The following MAGI2 variants were observed in gnomAD, a reference collection of about 807,000 sequenced individuals.
MAGI2 encodes membrane-associated guanylate kinase, WW and PDZ domain-containing protein 2.
In MAGI2, 35 loss-of-function variants were observed where a neutral mutation model predicts 133.3. The observed-to-expected ratio is 0.26, with a 90% CI of 0.20 to 0.35. The LOEUF is 0.35. Ranked by LOEUF, MAGI2 falls within the 10% of genes least tolerant of loss-of-function variation. The probability of loss-of-function intolerance (pLI) is 1.00; values close to 1 mark genes in which losing one functional copy is unlikely to be tolerated. For synonymous variants in MAGI2, 729 were observed against 710.6 expected, an observed-to-expected ratio of 1.03 and a Z score of -0.41; for missense variants, 1,636 against 1,863.4, an observed-to-expected ratio of 0.88 and a Z score of 2.25.
At chr7:79,407,120 T>C (rs1270526662) in intron 1 of MAGI2, among the ~76,000 whole-genome samples, 2 of 152,158 alleles carry the variant, frequency 1.3e-5, no homozygotes, top group Non-Finnish European at 2.9e-5. Flanking sequence ...TTTCTATGCG[T>C]TTTGTAAAAT....
chr7:78,604,255 A>G (rs1365132088), intron 3 of MAGI2, among the ~76,000 whole-genome samples: 2 of 152,210 alleles, frequency 1.3e-5, no homozygotes, highest in African/African-American at 2.4e-5. Flanking sequence ...GATGGCCCTG[A>G]GATGGAAGAA....
In MAGI2 at chr7:78,224,853, C is replaced by A. The variant is rs561025402; in HGVS notation, c.2048-23660G>T. Among the ~76,000 whole-genome samples the A allele has an allele frequency of 7.9e-5, 12 of 152,196 alleles. No individual in the cohort carries two copies. The South Asian group carries it at 2.5e-3, about 32-fold the overall frequency. ...GAATGGCATTTTTGGAAGTCCATGT[C>A]TCTACCGTCACTCAGCATCAAGTCA... On this transcript the variant is annotated intron_variant, in intron 10 of 21. Coordinates refer to ENST00000354212, the MANE Select transcript of MAGI2 (RefSeq NM_012301.4).
At chr7:78,081,052 A>C (rs879940156) in intron 20 of MAGI2, among the ~76,000 whole-genome samples, 4 of 152,236 alleles carry the variant, frequency 2.6e-5, no homozygotes, top group Middle Eastern at 3.4e-3. Flanking sequence ...AGGCCTGTAC[A>C]CATACTGCTG....
intron 1 of MAGI2, among the ~76,000 whole-genome samples, chr7:79,151,322 A>C (rs190891216): frequency 7.4e-4 from 112 of 152,324 alleles, no homozygotes; most frequent in African/African-American, 2.6e-3. Context: ...TAATTATATC[A>C]AAAGATGAAC....
At chr7:78,519,986 AT>A (rs1388440651) in intron 4 of MAGI2, among the ~76,000 whole-genome samples, 1 of 152,210 alleles carries the variant, frequency 6.6e-6, no homozygotes, top group African/African-American at 2.4e-5. Context: ...AAAAGCAAAT[AT>A]TTTGACACAG....
intron 3 of MAGI2, among the ~76,000 whole-genome samples, chr7:78,595,575 C>T (rs1340041852): frequency 6.6e-6 from 1 of 152,172 alleles, no homozygotes; most frequent in Admixed American, 6.5e-5. Context: ...CGTTTAATTT[C>T]TATGCTACTT....
intron 9 of MAGI2, among the ~76,000 whole-genome samples, chr7:78,291,226 G>A (rs996601361): frequency 3.3e-5 from 5 of 151,850 alleles, no homozygotes; most frequent in Admixed American, 6.6e-5. Context: ...TCAAATAGAC[G>A]CAATAAAAAA....
chr7:78,294,246 A>T (rs1207491369), intron 9 of MAGI2, among the ~76,000 whole-genome samples: 1 of 152,146 alleles, frequency 6.6e-6, no homozygotes, highest in Admixed American at 6.5e-5. Flanking sequence ...ATTAACCAAG[A>T]GGCGAAGAAT....
intron 8 of MAGI2, 57 bp downstream of exon 8, chr7:78,345,865 A>C (rs939943012): frequency 6.2e-7 from 1 of 1,600,748 alleles, no homozygotes; most frequent in Non-Finnish European, 8.5e-7. Context: ...TTGGAAGAGC[A>C]GGCAGTTTGA....
intron 6 of MAGI2, among the ~76,000 whole-genome samples, chr7:78,481,841 T>C (rs1792417351): frequency 6.6e-6 from 1 of 151,772 alleles, no homozygotes; most frequent in African/African-American, 2.4e-5. Flanking sequence ...AATTGGGACC[T>C]GGGGCTAGAT....
rs541143561 is a variant in MAGI2, at chr7:78,618,418, A to T, written c.538+8702T>A. Reference sequence around the variant, plus strand: ...GATATATTATCAGTTTTGTTATCCAATTTTTTTCCACTCAGAAAAACAACA... The same window carrying T: ...GATATATTATCAGTTTTGTTATCCATTTTTTTTCCACTCAGAAAAACAACA... On this transcript the variant is annotated intron_variant, in intron 3 of 21. Transcript: ENST00000354212. The T allele has an allele frequency of 7.2e-5, 11 of 152,006 alleles. No individual in the cohort carries two copies. In the East Asian group the frequency reaches 1.9e-3, roughly 27 times the overall value. The allele number at this position is 152,006 out of a possible 1,614,324, so 9.4% of individuals were successfully genotyped here.
intron 9 of MAGI2, among the ~76,000 whole-genome samples, chr7:78,285,970 T>C (rs1796108172): frequency 6.6e-6 from 1 of 152,166 alleles, no homozygotes; most frequent in Non-Finnish European, 1.5e-5. Flanking sequence ...AAATATATTT[T>C]AAAGATCCCT....
rs779649509 is a variant in MAGI2 at position 78,256,296 on chromosome 7, G to C, written c.1694C>G (p.Pro565Arg). Residue 565 changes from proline to arginine, a missense_variant, in exon 10 of 22, where the codon CCG becomes CGG. This residue lies in a region of MAGI2 where 920 missense variants were observed against 1,093.5 expected (regional missense o/e 0.84). Transcript: ENST00000354212. ...SQSVPDITDR[P>R]PHSLHSMPTD... ...TGGCATGGAGTGCAGAGAATGAGGCGGCCGATCTGTTATATCTGGAACTGA... is the reference window on the plus strand; with the variant it reads ...TGGCATGGAGTGCAGAGAATGAGGCCGCCGATCTGTTATATCTGGAACTGA... 1 of 1,613,922 alleles carries C rather than the reference G, an allele frequency of 6.2e-7. No homozygotes were observed. The highest frequency in any genetic ancestry group is 2.2e-5 in the East Asian group (1 of 44,852).
chr7:78,029,216 T>C (rs1809299845), intron 21 of MAGI2, among the ~76,000 whole-genome samples: 1 of 152,142 alleles, frequency 6.6e-6, no homozygotes, highest in Admixed American at 6.5e-5. Flanking sequence ...ACGAGAGGTG[T>C]GAGCACAGGT....
At chr7:79,069,551 T>C (rs1215685292) in intron 1 of MAGI2, among the ~76,000 whole-genome samples, 1 of 151,946 alleles carries the variant, frequency 6.6e-6, no homozygotes, top group Non-Finnish European at 1.5e-5. Flanking sequence ...CTCTATCCAA[T>C]TTGCCTGTCT....
intron 1 of MAGI2, among the ~76,000 whole-genome samples, chr7:79,347,914 T>C (rs1182347754): frequency 6.6e-6 from 1 of 151,936 alleles, no homozygotes; most frequent in East Asian, 1.9e-4. Flanking sequence ...AGAGATTCAA[T>C]ACCAGTTAGT....
At chr7:78,464,606 G>C (rs527293259) in intron 6 of MAGI2, among the ~76,000 whole-genome samples, 1 of 151,838 alleles carries the variant, frequency 6.6e-6, no homozygotes, top group African/African-American at 2.4e-5. Flanking sequence ...TTGTTCAAAA[G>C]AACAATATTA....
intron 2 of MAGI2, among the ~76,000 whole-genome samples, chr7:78,702,592 T>C (rs1818192599): frequency 6.6e-6 from 1 of 151,992 alleles, no homozygotes; most frequent in African/African-American, 2.4e-5. Flanking sequence ...TAAATAAAAG[T>C]TATAAAAATA....
intron 6 of MAGI2, among the ~76,000 whole-genome samples, chr7:78,369,825 C>A (rs1447704179): frequency 8.6e-5 from 13 of 151,736 alleles, no homozygotes; most frequent in Admixed American, 8.6e-4. Flanking sequence ...TTCTCCATAG[C>A]TAATTTTAAT....
Sources: allele counts gnomAD v4.1 joint callset (sites outside exome capture counted in the v4.1 genomes callset), GRCh38; gene constraint gnomAD v4.1.1; regional missense constraint gnomAD v4.1.1; transcripts MANE v1.5; gene names NCBI Gene and HGNC (gene_info 2026-07-23, HGNC 2026-07-21).